MLLT10: variants seen among roughly 807,000 people sequenced by gnomAD.
MLLT10 encodes the protein protein AF-10.
MLLT10 carries 30 observed loss-of-function variants against 129.1 expected under a neutral mutation model. That is an observed-to-expected ratio of 0.23 (90% CI 0.17 to 0.32). The LOEUF is 0.32. Ranked by LOEUF, MLLT10 falls within the 10% of genes least tolerant of loss-of-function variation. The pLI is 1.00. For missense variants in MLLT10, 1,119 were observed against 1,268.3 expected (o/e 0.88, Z 1.79); for synonymous variants, 490 against 446.4 (o/e 1.10, Z -1.23).
At chr10:21,585,908 T>C (rs2041939653) in intron 3 of MLLT10, among the ~76,000 whole-genome samples, 1 of 152,110 alleles carries the variant, frequency 6.6e-6, no homozygotes, top group Non-Finnish European at 1.5e-5. Flanking sequence ...ATTACAGGCA[T>C]GCGCTGCCAA....
chr10:21,660,894 GATT>G (rs1286549315), intron 9 of MLLT10, among the ~76,000 whole-genome samples: 180 of 137,356 alleles, frequency 1.3e-3, no homozygotes, highest in African/African-American at 4.8e-3. Context: ...AAAAAAAAAA[GATT>G]ATTGTTCTTC....
At chr10:21,535,779 C>A (rs886309327) in intron 2 of MLLT10, among the ~76,000 whole-genome samples, 3 of 152,128 alleles carry the variant, frequency 2.0e-5, no homozygotes, top group African/African-American at 7.2e-5. Context: ...TTGGAAAGGA[C>A]TACCACCAAA....
rs1299210548 is a variant in MLLT10 at position 21,587,754 on chromosome 10, G to T, written c.295+1406G>T. On this transcript the variant is annotated intron_variant, in intron 4 of 22. Coordinates refer to ENST00000307729, the MANE Select transcript of MLLT10 (RefSeq NM_001195626.3). ...GGGAAAAATAGAATGATTTTGGCTA[G>T]ATATATATATTTTACAGTTTAATCT... 2.0e-5 allele frequency among the ~76,000 whole-genome samples: 3 copies of T among 152,224 alleles called. No individual in the cohort carries two copies. The East Asian group carries it at 5.8e-4, about 29-fold the overall frequency.
chr10:21,701,284 A>ATTTTT (rs57132583), intron 13 of MLLT10, among the ~76,000 whole-genome samples: 1 of 123,982 alleles, frequency 8.1e-6, no homozygotes, highest in African/African-American at 3.0e-5. Context: ...CATTTCATTG[A>ATTTTT]TTTTTTTTTT....
At chr10:21,670,357 G>A in intron 9 of MLLT10, 92 bp from the exon 10 acceptor site, 5 of 1,236,188 alleles carry the variant, frequency 4.0e-6, no homozygotes, top group Non-Finnish European at 5.4e-6. Context: ...TGTTTATTCT[G>A]CAAGTTCTTC....
intron 13 of MLLT10, among the ~76,000 whole-genome samples, chr10:21,705,683 C>G (rs1045684146): frequency 2.0e-5 from 3 of 152,182 alleles, no homozygotes; most frequent in Non-Finnish European, 2.9e-5. Flanking sequence ...CGCCTCCACC[C>G]TGGGAGCAGT....
At chr10:21,612,037 GGT>G (rs2044709207) in intron 5 of MLLT10, among the ~76,000 whole-genome samples, 1 of 152,164 alleles carries the variant, frequency 6.6e-6, no homozygotes, top group South Asian at 2.1e-4. Context: ...GGGAAGAAGA[GGT>G]GTGGTAGATT....
intron 14 of MLLT10, among the ~76,000 whole-genome samples, chr10:21,724,043 T>G (rs1414986463): frequency 6.6e-6 from 1 of 152,240 alleles, no homozygotes; most frequent in Non-Finnish European, 1.5e-5. Context: ...CCTCTACTAC[T>G]AAATACATGG....
At chr10:21,557,895 A>G (rs143612053) in intron 3 of MLLT10, 39 of 152,184 alleles carry the variant, frequency 2.6e-4, no homozygotes, top group African/African-American at 8.9e-4. Context: ...TATGAAGCAG[A>G]AAAACAATAG....
At chr10:21,572,820 G>T (rs1383777855) in intron 3 of MLLT10, among the ~76,000 whole-genome samples, 1 of 151,890 alleles carries the variant, frequency 6.6e-6, no homozygotes, top group Non-Finnish European at 1.5e-5. Context: ...ACCATTGTTG[G>T]CCAGGCTGGT....
At chr10:21,636,633 G>T (rs2047491874) in intron 8 of MLLT10, among the ~76,000 whole-genome samples, 1 of 151,134 alleles carries the variant, frequency 6.6e-6, no homozygotes, top group South Asian at 2.1e-4. Context: ...GGAGTGCAGT[G>T]GTGCGATCTT....
chr10:21,545,243 C>CT lies in MLLT10; in HGVS notation c.240+6343dup, dbSNP rs55655739. Reference sequence around the variant, plus strand: ...AGAGGGAAAACAGGGAACCACATGCCTTTTTTTTTTTTGCTAGAGAAGAGA... The same window carrying CT: ...AGAGGGAAAACAGGGAACCACATGCCTTTTTTTTTTTTTGCTAGAGAAGAGA... On this transcript the variant is annotated intron_variant, in intron 3 of 22. Transcript: ENST00000307729. 7.0e-3 allele frequency among the ~76,000 whole-genome samples: 998 copies of CT among 142,278 alleles called. 14 individuals are homozygous for CT. The highest frequency in any genetic ancestry group is 0.018 in the Middle Eastern group (5 of 276). The allele number at this position is 142,278 out of a possible 152,430, so 93.3% of individuals were successfully genotyped here.
At chr10:21,633,878 G>A (rs1005438258) in intron 8 of MLLT10, among the ~76,000 whole-genome samples, 1 of 152,196 alleles carries the variant, frequency 6.6e-6, no homozygotes, top group Non-Finnish European at 1.5e-5. Context: ...CTCGTTGTTC[G>A]AGCAATGTCC....
intron 9 of MLLT10, among the ~76,000 whole-genome samples, chr10:21,652,307 T>G (rs1361616250): frequency 6.6e-6 from 1 of 152,170 alleles, no homozygotes; most frequent in Non-Finnish European, 1.5e-5. Flanking sequence ...GGAACCATCA[T>G]TGAGACAGAG....
At chr10:21,574,643 T>C (rs2040544344) in intron 3 of MLLT10, among the ~76,000 whole-genome samples, 1 of 152,224 alleles carries the variant, frequency 6.6e-6, no homozygotes. Context: ...TTCATGAGTT[T>C]TCTGGGAAAG....
At chr10:21,572,428 A>G (rs1350556655) in intron 3 of MLLT10, among the ~76,000 whole-genome samples, 1 of 152,176 alleles carries the variant, frequency 6.6e-6, no homozygotes, top group African/African-American at 2.4e-5. Flanking sequence ...AGAAAGGCTG[A>G]TGGGATCATG....
intron 3 of MLLT10, among the ~76,000 whole-genome samples, chr10:21,547,119 C>T (rs899832499): frequency 5.9e-5 from 9 of 152,052 alleles, no homozygotes; most frequent in Non-Finnish European, 1.0e-4. Flanking sequence ...ATCCTCCTGC[C>T]TTGGCCTCCC....
intron 13 of MLLT10, among the ~76,000 whole-genome samples, chr10:21,682,874 A>G (rs981716645): frequency 1.3e-4 from 20 of 152,330 alleles, no homozygotes; most frequent in Middle Eastern, 6.8e-3. Context: ...GTTTCCCCAA[A>G]GAACATTCCT....
At chr10:21,686,842 C>T (rs1339489616) in intron 13 of MLLT10, among the ~76,000 whole-genome samples, 2 of 151,998 alleles carry the variant, frequency 1.3e-5, no homozygotes, top group South Asian at 2.1e-4. Flanking sequence ...ATTAGCCAGA[C>T]GTGATGGTGC....
Sources: gnomAD v4.1 joint callset for allele counts (sites outside exome capture counted in the v4.1 genomes callset) on GRCh38, gnomAD v4.1.1 for gene constraint, MANE v1.5 for transcripts, NCBI Gene and HGNC (gene_info 2026-07-23, HGNC 2026-07-21) for gene names.